The following CHN2 variants were observed in gnomAD, a reference collection of about 807,000 sequenced individuals.
CHN2 encodes the protein beta-chimaerin.
Under a neutral mutation model 56.3 loss-of-function variants are expected in CHN2, and 35 were observed. That is an observed-to-expected ratio of 0.62 (90% confidence interval 0.47 to 0.82). CHN2 has a LOEUF of 0.82. CHN2 is among the 40% of genes least tolerant of loss of function. The pLI, the probability that CHN2 is intolerant of heterozygous loss-of-function variation, is 0.00. For missense variants in CHN2, 491 were observed against 580.5 expected, an observed-to-expected ratio of 0.85 and a Z score of 1.58; for synonymous variants, 210 against 212.8, an observed-to-expected ratio of 0.99 and a Z score of 0.12.
At chr7:29,213,354 T>G (rs1343529729) in intron 1 of CHN2, 21 of 646,766 alleles carry the variant, frequency 3.2e-5, no homozygotes, top group Non-Finnish European at 5.6e-5. Flanking sequence ...TCCAGTCAAT[T>G]TGATGGAGGA....
chr7:29,438,486 A>G (rs1162384458), intron 6 of CHN2, among the ~76,000 whole-genome samples: 1 of 152,152 alleles, frequency 6.6e-6, no homozygotes, highest in East Asian at 1.9e-4. Flanking sequence ...ACTACCTTCT[A>G]TGGTTAGATG....
chr7:29,437,560 T>C (rs1401122920), intron 6 of CHN2, among the ~76,000 whole-genome samples: 1 of 81,604 alleles, frequency 1.2e-5, no homozygotes, highest in African/African-American at 7.7e-5. Context: ...ATCGCGCCAC[T>C]GCACTCCAGC....
intron 1 of CHN2, among the ~76,000 whole-genome samples, chr7:29,351,698 G>A (rs868019700): frequency 3.2e-4 from 48 of 152,170 alleles, no homozygotes; most frequent in African/African-American, 1.1e-3. Flanking sequence ...AGCTTGGCTT[G>A]TTTTAGGAAC....
In CHN2 at chr7:29,512,786, G is replaced by A. The variant is rs1421883804; in HGVS notation, c.*51G>A. ...CCCCAGCACCATCCAAGTTGACACA[G>A]CTAAAGGAATAAAAACATTTCTTAC... On this transcript the variant is annotated 3_prime_UTR_variant, in exon 13 of 13. Transcript: ENST00000222792. The A allele has an allele frequency of 2.6e-6, 4 of 1,552,008 alleles. No homozygotes were observed. The Admixed American group carries it at 6.1e-5, about 24-fold the overall frequency.
intron 2 of CHN2, among the ~76,000 whole-genome samples, chr7:29,155,058 C>A (rs1562797826): frequency 6.6e-6 from 1 of 152,102 alleles, no homozygotes; most frequent in Non-Finnish European, 1.5e-5. Context: ...TCTCGTGAGA[C>A]TTATTCACTG....
intron 7 of CHN2, among the ~76,000 whole-genome samples, chr7:29,493,306 G>A (rs1189566640): frequency 2.6e-5 from 4 of 152,194 alleles, no homozygotes; most frequent in East Asian, 3.9e-4. Context: ...GTGCAAGTAC[G>A]CTCTATGATG....
intron 1 of CHN2, among the ~76,000 whole-genome samples, chr7:29,271,539 C>T (rs1790644054): frequency 6.6e-6 from 1 of 152,098 alleles, no homozygotes; most frequent in South Asian, 2.1e-4. Flanking sequence ...CTGAGCCCAT[C>T]CAGGAAACAC....
At chr7:29,286,136 C>T (rs1792118829) in intron 1 of CHN2, among the ~76,000 whole-genome samples, 1 of 152,084 alleles carries the variant, frequency 6.6e-6, no homozygotes, top group Non-Finnish European at 1.5e-5. Context: ...GTGCCTCATA[C>T]CCACCCTTTT....
At chr7:29,373,178 CT>C (rs907793573) in intron 3 of CHN2, among the ~76,000 whole-genome samples, 32 of 146,120 alleles carry the variant, frequency 2.2e-4, no homozygotes, top group South Asian at 6.5e-4. Context: ...AGTGGCCAAT[CT>C]TTTTTTTTTT....
intron 1 of CHN2, among the ~76,000 whole-genome samples, chr7:29,221,762 C>G (rs141902317): frequency 1.4e-3 from 213 of 152,284 alleles, no homozygotes; most frequent in African/African-American, 4.8e-3. Context: ...GCTTCCAGCT[C>G]CATTCATGTC....
At chr7:29,202,475 T>C (rs1368306534) in intron 1 of CHN2, among the ~76,000 whole-genome samples, 2 of 152,138 alleles carry the variant, frequency 1.3e-5, no homozygotes, top group East Asian at 3.8e-4. Context: ...TGCAACAAAA[T>C]GGGAAGGTGG....
chr7:29,237,130 C>T (rs1468818259), intron 1 of CHN2, among the ~76,000 whole-genome samples: 1 of 152,222 alleles, frequency 6.6e-6, no homozygotes, highest in Non-Finnish European at 1.5e-5. Context: ...ACCTAAGCTC[C>T]ACCTAGTTTT....
chr7:29,245,279 G>A (rs556829948), intron 1 of CHN2, among the ~76,000 whole-genome samples: 1 of 152,164 alleles, frequency 6.6e-6, no homozygotes, highest in East Asian at 1.9e-4. Context: ...TCCAGTGTCC[G>A]TGGACTCTCT....
chr7:29,445,444 A>C (rs1369162445), intron 6 of CHN2, among the ~76,000 whole-genome samples: 4 of 152,204 alleles, frequency 2.6e-5, no homozygotes, highest in Non-Finnish European at 5.9e-5. Context: ...CATGATTTGC[A>C]TAAATTATGC....
intron 2 of CHN2, among the ~76,000 whole-genome samples, chr7:29,158,171 G>C (rs1367573762): frequency 1.3e-5 from 2 of 152,172 alleles, no homozygotes; most frequent in Non-Finnish European, 2.9e-5. Flanking sequence ...TTAGAGTTGA[G>C]TATATTAAGA....
At chr7:29,355,814 C>T (rs954313036) in intron 2 of CHN2, among the ~76,000 whole-genome samples, 1 of 116,890 alleles carries the variant, frequency 8.6e-6, no homozygotes, top group Non-Finnish European at 1.6e-5. Context: ...GACAGGGTCT[C>T]GCTCTGTCAC....
At chr7:29,209,821 G>A (rs1456288694) in intron 1 of CHN2, among the ~76,000 whole-genome samples, 1 of 152,130 alleles carries the variant, frequency 6.6e-6, no homozygotes, top group Non-Finnish European at 1.5e-5. Context: ...TAAATGTATT[G>A]GTGCCTAATT....
intron 7 of CHN2, among the ~76,000 whole-genome samples, chr7:29,490,205 C>G (rs1788508812): frequency 6.6e-6 from 1 of 150,452 alleles, no homozygotes; most frequent in African/African-American, 2.5e-5. Context: ...GCTGTTTTCT[C>G]TTCTGTAAAT....
intron 6 of CHN2, among the ~76,000 whole-genome samples, chr7:29,458,720 A>G (rs1784945736): frequency 6.6e-6 from 1 of 152,226 alleles, no homozygotes; most frequent in South Asian, 2.1e-4. Context: ...TGACTGTTCG[A>G]TCAAACTAAA....
Sources: gnomAD v4.1 joint callset for allele counts (sites outside exome capture counted in the v4.1 genomes callset) on GRCh38, gnomAD v4.1.1 for gene constraint, MANE v1.5 for transcripts, NCBI Gene and HGNC (gene_info 2026-07-23, HGNC 2026-07-21) for gene names.